Variants in PPFIA1 observed in about 807,000 individuals in gnomAD.
PPFIA1 encodes liprin-alpha-1.
In PPFIA1, 25 loss-of-function variants were observed where a neutral mutation model predicts 149.9. The ratio of observed to expected loss-of-function variants is 0.17; its 90% CI spans 0.12 to 0.23. The LOEUF is 0.23. PPFIA1 is among the 10% of genes least tolerant of loss of function. PPFIA1 has a pLI of 1.00. For synonymous variants in PPFIA1, 549 were observed against 552.8 expected, an observed-to-expected ratio of 0.99 and a Z score of 0.10; for missense variants, 1,362 against 1,506.5, an observed-to-expected ratio of 0.90 and a Z score of 1.59.
intron 2 of PPFIA1, among the ~76,000 whole-genome samples, chr11:70,296,746 A>AGAGGGAGG (rs140547454): frequency 1.3e-5 from 1 of 76,766 alleles, no homozygotes; most frequent in Non-Finnish European, 2.6e-5. Context: ...GGAGAGGGAG[A>AGAGGGAGG]GAGGGAGGGA....
intron 2 of PPFIA1, among the ~76,000 whole-genome samples, chr11:70,286,754 CTTTTTTTTTTT>C (rs957912008): frequency 1.3e-4 from 16 of 123,990 alleles, no homozygotes; most frequent in Non-Finnish European, 2.4e-4. Flanking sequence ...TTCTTTCTTT[CTTTTTTTTTTT>C]TTTTTTTTTT....
At chr11:70,306,336 T>G (rs1591141795) in intron 2 of PPFIA1, among the ~76,000 whole-genome samples, 1 of 152,278 alleles carries the variant, frequency 6.6e-6, no homozygotes, top group East Asian at 1.9e-4. Context: ...TTAAAAACAT[T>G]GATAGTTAAA....
Position 70,326,715 on chromosome 11 carries a change from T to C in PPFIA1, c.827T>C (p.Leu276Pro), listed in dbSNP as rs2054312438. 1 of 1,614,116 alleles carries C rather than the reference T, an allele frequency of 6.2e-7. No homozygotes were observed. The highest frequency in any genetic ancestry group is 1.3e-5 in the African/African-American group (1 of 75,048). ...QSQMKERLAS[L>P]SSHVTELEED... ...CAAATGAAAGAACGCCTGGCTTCCC[T>C]TTCCAGTCATGTGACAGAACTGGAA... is the stretch of plus-strand genomic sequence containing the variant. Residue 276 changes from leucine (L) to proline (P), a missense_variant, in exon 7 of 28, where the codon CTT becomes CCT. Around this residue, in one of 7 missense-constraint regions of PPFIA1, gnomAD observed 733 missense variants for 744.1 expected, o/e 0.99. Transcript: ENST00000253925.
intron 2 of PPFIA1, among the ~76,000 whole-genome samples, chr11:70,292,230 T>G (rs2051585389): frequency 1.3e-5 from 2 of 152,180 alleles, no homozygotes; most frequent in Non-Finnish European, 2.9e-5. Context: ...GTGACCCCCC[T>G]GCCTAGGCCT....
intron 2 of PPFIA1, among the ~76,000 whole-genome samples, chr11:70,312,577 T>C (rs536530446): frequency 3.9e-5 from 6 of 152,292 alleles, no homozygotes; most frequent in East Asian, 3.9e-4. Flanking sequence ...GAGTCTGCAT[T>C]TGAATCAGCT....
chr11:70,377,883 A>T (rs554024192), intron 25 of PPFIA1, 147 bp from the exon 26 acceptor site: 7 of 682,722 alleles, frequency 1.0e-5, no homozygotes, highest in Non-Finnish European at 1.7e-5. Flanking sequence ...GTTGGGCAAT[A>T]TATTGTGTGG....
At chr11:70,374,656 C>G (rs574722043) in intron 23 of PPFIA1, 5 of 389,686 alleles carry the variant, frequency 1.3e-5, no homozygotes, top group Admixed American at 9.5e-5. Flanking sequence ...CTTCTTTTCT[C>G]TAGAAATAAT....
intron 14 of PPFIA1, among the ~76,000 whole-genome samples, chr11:70,342,682 G>A (rs2055408422): frequency 6.6e-6 from 1 of 152,164 alleles, no homozygotes; most frequent in Non-Finnish European, 1.5e-5. Context: ...TACGGCAACT[G>A]AGTGAACTCA....
At chr11:70,340,068 T>C (rs964960388) in intron 14 of PPFIA1, among the ~76,000 whole-genome samples, 1 of 151,596 alleles carries the variant, frequency 6.6e-6, no homozygotes, top group Non-Finnish European at 1.5e-5. Context: ...CCCAGTGCTT[T>C]GGGAGGATCG....
At chr11:70,327,409 A>G (rs2054370221) in intron 7 of PPFIA1, 1 of 152,560 alleles carries the variant, frequency 6.6e-6, no homozygotes, top group African/African-American at 2.4e-5. Context: ...TCAGGATCGT[A>G]TAGCAAAAAT....
At chr11:70,305,773 A>G (rs987335203) in intron 2 of PPFIA1, among the ~76,000 whole-genome samples, 5 of 152,208 alleles carry the variant, frequency 3.3e-5, no homozygotes, top group Admixed American at 3.3e-4. Context: ...TTTCCTTCAT[A>G]GGAAAATTGG....
chr11:70,379,371 T>C (rs1473426910), intron 26 of PPFIA1, among the ~76,000 whole-genome samples: 1 of 151,668 alleles, frequency 6.6e-6, no homozygotes, highest in Non-Finnish European at 1.5e-5. Context: ...GGCACAAGAA[T>C]CATTTGGACC....
chr11:70,298,796 G>A (rs1365558456), intron 2 of PPFIA1, among the ~76,000 whole-genome samples: 18 of 152,162 alleles, frequency 1.2e-4, no homozygotes, highest in Admixed American at 1.2e-3. Context: ...TCTCTTAGAA[G>A]TTTACAGTGA....
intron 16 of PPFIA1, among the ~76,000 whole-genome samples, chr11:70,351,258 C>A (rs2056039138): frequency 6.6e-6 from 1 of 152,180 alleles, no homozygotes; most frequent in Non-Finnish European, 1.5e-5. Context: ...ATTCTCTCAC[C>A]TTTTCAGCCT....
chr11:70,280,237 C>T (rs35512487), intron 2 of PPFIA1, among the ~76,000 whole-genome samples: 30,772 of 148,196 alleles, frequency 0.21, 3,344 homozygotes, highest in South Asian at 0.26. Flanking sequence ...TACGTACATA[C>T]ATATATATAT....
intron 2 of PPFIA1, among the ~76,000 whole-genome samples, chr11:70,300,731 C>T (rs1173640165): frequency 1.3e-5 from 2 of 152,118 alleles, no homozygotes; most frequent in African/African-American, 2.4e-5. Context: ...GACAGGGTTT[C>T]ACCATGTTGG....
chr11:70,356,188 C>T lies in PPFIA1; in HGVS notation c.2516C>T (p.Ser839Phe). The change falls in exon 19 of 28, where the codon TCT becomes TTT. Residue 839 changes from serine to phenylalanine, a missense_variant. Physicochemically the swap from Ser to Phe is radical, Grantham distance 155. Around this residue, in one of 7 missense-constraint regions of PPFIA1, gnomAD observed 91 missense variants for 91.2 expected, o/e 1.00. Transcript: ENST00000253925. ...QAGVSETDNS[S>F]QDALGLSKLG... ...GGTGTTTCCGAGACGGATAACTCAT[C>T]TCAGGATGCCTTGGGACTTAGCAAA... 6 of 1,614,072 alleles carry T rather than the reference C, an allele frequency of 3.7e-6. No individual in the cohort carries two copies. Among genetic ancestry groups the T allele is most frequent in the Non-Finnish European group, 4.2e-6 (5 of 1,180,004 alleles).
rs535335721 is a variant in PPFIA1, at chr11:70,333,219, G to T, written c.1213-251G>T. 1,693 of 566,420 alleles carry T rather than the reference G, an allele frequency of 3.0e-3. 7 individuals carry two copies. Among genetic ancestry groups the T allele is most frequent in the South Asian group, 8.3e-3 (492 of 59,376 alleles). 35.1% of individuals were successfully genotyped at this position (566,420 alleles called of 1,614,324 possible). A position where few individuals can be genotyped will look rare whatever the true frequency, so the allele number is the denominator to read the frequency against. On this transcript the variant is annotated intron_variant, in intron 9 of 27. Transcript: ENST00000253925. ...TCCATTGAGATTGGGCATAGGGGTTGGGGGGAAAACACCCAGTCAGTCGCC... is the reference window on the plus strand; with the variant it reads ...TCCATTGAGATTGGGCATAGGGGTTTGGGGGAAAACACCCAGTCAGTCGCC...
intron 2 of PPFIA1, among the ~76,000 whole-genome samples, chr11:70,305,873 A>T (rs1288088900): frequency 6.6e-6 from 1 of 152,224 alleles, no homozygotes; most frequent in African/African-American, 2.4e-5. Context: ...ATATCAAGCT[A>T]ACTAGTGATA....
Sources: allele counts gnomAD v4.1 joint callset (sites outside exome capture counted in the v4.1 genomes callset), GRCh38; gene constraint gnomAD v4.1.1; regional missense constraint gnomAD v4.1.1; transcripts MANE v1.5; gene names NCBI Gene and HGNC (gene_info 2026-07-23, HGNC 2026-07-21).